AK9: variants seen among roughly 807,000 people sequenced by gnomAD.
The protein encoded by AK9 is adenylate kinase 9, also known as adenylate kinase domain containing 1.
AK9 carries 191 observed loss-of-function variants against 239.6 expected under a neutral mutation model. The ratio of observed to expected loss-of-function variants is 0.80; its 90% confidence interval spans 0.71 to 0.90. The LOEUF (loss-of-function observed/expected upper bound fraction) is 0.90. AK9 is among the 40% of genes least tolerant of loss of function. AK9 has a pLI of 0.00. For synonymous variants in AK9, 689 were observed against 721.0 expected (o/e 0.96, Z 0.71); for missense variants, 1,995 against 2,214.7 (o/e 0.90, Z 1.99).
intron 17 of AK9, among the ~76,000 whole-genome samples, chr6:109,590,178 G>A (rs971165351): frequency 5.3e-5 from 8 of 152,100 alleles, no homozygotes; most frequent in East Asian, 1.9e-4. Context: ...GAATTTGGCT[G>A]TAAAACCATC....
At chr6:109,504,742 G>A (rs1276753839) in intron 35 of AK9, among the ~76,000 whole-genome samples, 1 of 152,174 alleles carries the variant, frequency 6.6e-6, no homozygotes, top group East Asian at 1.9e-4. Context: ...CCGGGAAGGG[G>A]AGGTTGCAGT....
chr6:109,685,400 TA>T (rs1173177854), intron 1 of AK9, among the ~76,000 whole-genome samples: 1 of 152,140 alleles, frequency 6.6e-6, no homozygotes, highest in Admixed American at 6.6e-5. Flanking sequence ...TATGCAGCCA[TA>T]AAAAATGATG....
chr6:109,620,804 T>G (rs545996788), intron 12 of AK9, among the ~76,000 whole-genome samples: 7 of 151,352 alleles, frequency 4.6e-5, no homozygotes, highest in African/African-American at 1.7e-4. Flanking sequence ...ATACTATATA[T>G]ACTATTCATA....
intron 5 of AK9, among the ~76,000 whole-genome samples, chr6:109,664,762 C>T (rs1237898374): frequency 4.0e-5 from 6 of 151,210 alleles, no homozygotes; most frequent in African/African-American, 1.2e-4. Flanking sequence ...AGGCCAGGTG[C>T]GGTGGGTCAT....
chr6:109,682,116 G>A (rs1011968112), intron 1 of AK9, among the ~76,000 whole-genome samples: 12 of 151,962 alleles, frequency 7.9e-5, no homozygotes, highest in South Asian at 2.1e-4. Context: ...ATAGAGACAC[G>A]ACAAACCCTT....
intron 3 of AK9, among the ~76,000 whole-genome samples, chr6:109,673,899 C>A (rs1771297217): frequency 6.7e-6 from 1 of 149,386 alleles, no homozygotes; most frequent in Non-Finnish European, 1.5e-5. Context: ...TTTGGGAGGC[C>A]AAGGTGGGAA....
intron 29 of AK9, among the ~76,000 whole-genome samples, chr6:109,526,531 G>A (rs1780539658): frequency 6.6e-6 from 1 of 152,030 alleles, no homozygotes; most frequent in Admixed American, 6.5e-5. Flanking sequence ...GGGAAGACAG[G>A]GGAAGCTACA....
At chr6:109,524,126 C>A (rs545003100) in intron 29 of AK9, among the ~76,000 whole-genome samples, 429 of 152,052 alleles carry the variant, frequency 2.8e-3, no homozygotes, top group African/African-American at 1.0e-2. Flanking sequence ...AAGGAAAATA[C>A]ACTTATAATA....
chr6:109,676,521 G>T (rs1026591675), intron 1 of AK9, among the ~76,000 whole-genome samples: 1 of 151,556 alleles, frequency 6.6e-6, no homozygotes, highest in Non-Finnish European at 1.5e-5. Flanking sequence ...TATATCCATC[G>T]AATATTTCTA....
chr6:109,627,260 T>A (rs2128261563), intron 12 of AK9, among the ~76,000 whole-genome samples: 1 of 151,534 alleles, frequency 6.6e-6, no homozygotes, highest in East Asian at 2.0e-4. Flanking sequence ...TGCATGGAGC[T>A]GTCATCTCTT....
At chr6:109,519,122 T>C (rs927162490) in intron 29 of AK9, among the ~76,000 whole-genome samples, 1 of 152,202 alleles carries the variant, frequency 6.6e-6, no homozygotes, top group Non-Finnish European at 1.5e-5. Context: ...TGCATCCACA[T>C]TGCTGCAAAG....
chr6:109,546,896 T>G lies in AK9; in HGVS notation c.2965-769A>C, dbSNP rs183138645. 3.1e-3 allele frequency among the ~76,000 whole-genome samples: 467 copies of G among 152,314 alleles called. 3 individuals are homozygous for G. Among genetic ancestry groups the G allele is most frequent in the African/African-American group, 0.011 (455 of 41,572 alleles). On this transcript the variant is annotated intron_variant, in intron 25 of 40. Transcript: ENST00000424296. ...AACTAGGGCTGTCTGGTGCTCAGAC[T>G]GTATTCAGGTACCCTATGGTAGGGA...
chr6:109,661,464 C>A (rs1003603850), intron 6 of AK9, among the ~76,000 whole-genome samples: 1 of 152,200 alleles, frequency 6.6e-6, no homozygotes, highest in Admixed American at 6.5e-5. Context: ...CTGGCCTGCA[C>A]AACTGTGTGC....
chr6:109,538,813 C>A (rs1322569111), intron 27 of AK9, among the ~76,000 whole-genome samples: 1 of 152,114 alleles, frequency 6.6e-6, no homozygotes, highest in Non-Finnish European at 1.5e-5. Context: ...GTGACAAAAT[C>A]TCTCAGCATT....
At chr6:109,536,597 C>G (rs1024339697) in intron 27 of AK9, among the ~76,000 whole-genome samples, 11 of 152,136 alleles carry the variant, frequency 7.2e-5, no homozygotes, top group African/African-American at 2.7e-4. Flanking sequence ...CCATTTATTT[C>G]TTTCTCCTGC....
At chr6:109,689,921 A>C (rs1177005788) in intron 1 of AK9, among the ~76,000 whole-genome samples, 1 of 152,218 alleles carries the variant, frequency 6.6e-6, no homozygotes, top group Non-Finnish European at 1.5e-5. Flanking sequence ...TTCCCAGTTA[A>C]AAGATCCAAG....
chr6:109,560,848 T>C (rs1285047131), intron 24 of AK9, among the ~76,000 whole-genome samples: 1 of 152,232 alleles, frequency 6.6e-6, no homozygotes, highest in Non-Finnish European at 1.5e-5. Flanking sequence ...ATTGGTTTTC[T>C]TTCTTTCTTC....
chr6:109,653,735 T>C (rs543958753), intron 8 of AK9, among the ~76,000 whole-genome samples: 4 of 152,016 alleles, frequency 2.6e-5, no homozygotes, highest in Non-Finnish European at 4.4e-5. Context: ...TTTTTTGCCA[T>C]GTGGCACAGG....
rs2128107313 is a variant in AK9, at chr6:109,509,069, A to ACACC, written c.4481+106_4481+109dup. 2.7e-6 allele frequency: 3 copies of ACACC among 1,131,402 alleles called. No individual in the cohort carries two copies. The East Asian group carries it at 7.8e-5, about 29-fold the overall frequency. 70.1% of individuals were successfully genotyped at this position (1,131,402 alleles called of 1,614,324 possible). On this transcript the variant is annotated intron_variant, in intron 33 of 40. Coordinates refer to ENST00000424296, the MANE Select transcript of AK9 (RefSeq NM_001145128.3). ...GCCCAGAGTTTGAGAGAAGTAGATCACACCCTTTATAAGAGCTTTAAGCCC... is the reference window on the plus strand; with the variant it reads ...GCCCAGAGTTTGAGAGAAGTAGATCACACCCACCCTTTATAAGAGCTTTAAGCCC...
Sources: gnomAD v4.1 joint callset for allele counts (sites outside exome capture counted in the v4.1 genomes callset) on GRCh38, gnomAD v4.1.1 for gene constraint, MANE v1.5 for transcripts, NCBI Gene and HGNC (gene_info 2026-07-23, HGNC 2026-07-21) for gene names.